The following VPS13A variants were observed in gnomAD, a reference collection of about 807,000 sequenced individuals.
The protein encoded by VPS13A is vacuolar protein sorting 13 homolog A.
A neutral mutation model predicts 390.9 loss-of-function variants in VPS13A; 264 were observed. The observed-to-expected ratio is 0.68, with a 90% CI of 0.61 to 0.75. The LOEUF (loss-of-function observed/expected upper bound fraction) is 0.75. Among genes scored for constraint, VPS13A ranks in the 30% least tolerant of loss-of-function variants. The probability of loss-of-function intolerance (pLI) is 0.00; values close to 1 mark genes in which losing one functional copy is unlikely to be tolerated. For synonymous variants in VPS13A, 1,231 were observed against 1,227.1 expected, an observed-to-expected ratio of 1.00 and a Z score of -0.07; for missense variants, 3,409 against 3,733.9, an observed-to-expected ratio of 0.91 and a Z score of 2.27.
At chr9:77,207,177 G>C (rs539930055) in intron 5 of VPS13A, among the ~76,000 whole-genome samples, 41 of 102,716 alleles carry the variant, frequency 4.0e-4, no homozygotes, top group Non-Finnish European at 7.3e-4. Flanking sequence ...TACTAAATAT[G>C]GTGCTCAAAC....
chr9:77,327,077 C>G (rs972227806), intron 45 of VPS13A, among the ~76,000 whole-genome samples: 3 of 152,200 alleles, frequency 2.0e-5, no homozygotes, highest in African/African-American at 4.8e-5. Flanking sequence ...GAAACTCACT[C>G]TCCAGACAGC....
chr9:77,364,374 G>A (rs1032897660), intron 59 of VPS13A, among the ~76,000 whole-genome samples: 3 of 152,062 alleles, frequency 2.0e-5, no homozygotes, highest in African/African-American at 7.2e-5. Context: ...GCAGTGAGCC[G>A]AGATCGCGCC....
At chr9:77,238,214 A>G (rs1824267505) in intron 18 of VPS13A, 23 bp downstream of exon 18, 1 of 1,607,850 alleles carries the variant, frequency 6.2e-7, no homozygotes, top group East Asian at 2.2e-5. Flanking sequence ...TTAAATTACT[A>G]AGTTTTAATA....
At position 77,407,622 on chromosome 9, in the gene VPS13A, TC is replaced by T; in HGVS notation, c.9474+16del. ...AGGATGCCAGGGTAAATATAATAAA[TC>T]TTTTATTTAAATAGGAGCTGCTCAC... On this transcript the variant is annotated intron_variant, in intron 71 of 71. Coordinates refer to ENST00000360280, the MANE Select transcript of VPS13A (RefSeq NM_033305.3). 1 of 1,584,888 alleles carries T rather than the reference TC, an allele frequency of 6.3e-7. No individual in the cohort carries two copies. Among genetic ancestry groups the T allele is most frequent in the Non-Finnish European group, 8.7e-7 (1 of 1,154,622 alleles).
intron 68 of VPS13A, among the ~76,000 whole-genome samples, chr9:77,392,775 CTA>C (rs921308516): frequency 1.1e-4 from 16 of 146,822 alleles, no homozygotes; most frequent in Admixed American, 3.4e-4. Context: ...CTATATAAAA[CTA>C]TATATATACA....
intron 71 of VPS13A, among the ~76,000 whole-genome samples, chr9:77,410,736 A>G (rs1834880293): frequency 6.6e-6 from 1 of 152,174 alleles, no homozygotes; most frequent in Admixed American, 6.5e-5. Flanking sequence ...TTCAACAAGA[A>G]GAGCTAACTA....
At chr9:77,250,045 C>A (rs1437797875) in intron 20 of VPS13A, 52 bp from the exon 21 acceptor site, 2 of 1,594,168 alleles carry the variant, frequency 1.3e-6, no homozygotes, top group African/African-American at 2.7e-5. Flanking sequence ...ACACTTTATA[C>A]TTACATTTTG....
Position 77,397,818 on chromosome 9 carries a change from G to A in VPS13A, c.9190-5418G>A, listed in dbSNP as rs143002740. The stretch of plus-strand genomic sequence containing the variant: ...ATTCTGACAATTGTATATAATGAAT[G>A]CAGTTTCCATTGTGTTTCTGTTTCT... On this transcript the variant is annotated intron_variant, in intron 68 of 71. Coordinates refer to ENST00000360280, the MANE Select transcript of VPS13A (RefSeq NM_033305.3). 2.1e-3 allele frequency among the ~76,000 whole-genome samples: 315 copies of A among 152,232 alleles called. 2 individuals carry two copies. The highest frequency in any genetic ancestry group is 7.2e-3 in the African/African-American group (299 of 41,558).
At chr9:77,291,809 G>C (rs1329718907) in intron 31 of VPS13A, among the ~76,000 whole-genome samples, 1 of 152,158 alleles carries the variant, frequency 6.6e-6, no homozygotes, top group Non-Finnish European at 1.5e-5. Flanking sequence ...GGCTGTTTCT[G>C]TGAGTCTCAG....
intron 17 of VPS13A, among the ~76,000 whole-genome samples, chr9:77,230,055 A>G (rs1477246290): frequency 6.6e-6 from 1 of 151,900 alleles, no homozygotes; most frequent in African/African-American, 2.4e-5. Flanking sequence ...CTTATTGGCC[A>G]TTTCACGTGC....
chr9:77,207,488 A>G lies in VPS13A; in HGVS notation c.385+1409A>G, dbSNP rs1430718242. 3.3e-5 allele frequency among the ~76,000 whole-genome samples: 5 copies of G among 150,936 alleles called. No homozygotes were observed. The East Asian group carries it at 9.8e-4, about 29-fold the overall frequency. Reference sequence around the variant, plus strand: ...ATATAGTTCTGTCACATTTTTGGTTAAATCAGAATTCATTGTTAATAGTAT... The same window carrying G: ...ATATAGTTCTGTCACATTTTTGGTTGAATCAGAATTCATTGTTAATAGTAT... On this transcript the variant is annotated intron_variant, in intron 5 of 71. Coordinates refer to ENST00000360280, the MANE Select transcript of VPS13A (RefSeq NM_033305.3).
At chr9:77,407,111 TG>T (rs1157367928) in intron 70 of VPS13A, among the ~76,000 whole-genome samples, 1 of 152,220 alleles carries the variant, frequency 6.6e-6, no homozygotes. Flanking sequence ...AATATATGTA[TG>T]TGTTTATGTA....
intron 68 of VPS13A, among the ~76,000 whole-genome samples, chr9:77,396,215 T>A: frequency 6.6e-6 from 1 of 152,214 alleles, no homozygotes; most frequent in East Asian, 1.9e-4. Context: ...TCTCCAGGCT[T>A]TTGGTTGTAC....
rs541687038 is a variant in VPS13A, at chr9:77,413,086, A to C, written c.9475-2870A>C. Among the ~76,000 whole-genome samples, 15 of 152,338 alleles carry C rather than the reference A, an allele frequency of 9.8e-5. No homozygotes were observed. The East Asian group carries it at 1.2e-3, about 12-fold the overall frequency. On this transcript the variant is annotated intron_variant, in intron 71 of 71. Coordinates refer to ENST00000360280, the MANE Select transcript of VPS13A (RefSeq NM_033305.3). ...GAGAACTACAAACCACTGCTCAGTG[A>C]AATAAAAGAGGATACAAACAAATGG...
intron 36 of VPS13A, 29 bp from the exon 37 acceptor site, chr9:77,314,466 T>G (rs575740470): frequency 1.2e-6 from 2 of 1,602,736 alleles, no homozygotes; most frequent in Non-Finnish European, 1.7e-6. Context: ...TGTTTCTTTG[T>G]AATTTTGTGT....
At chr9:77,219,081 G>A (rs1823031156) in intron 10 of VPS13A, among the ~76,000 whole-genome samples, 1 of 152,036 alleles carries the variant, frequency 6.6e-6, no homozygotes, top group Admixed American at 6.6e-5. Flanking sequence ...AGAGGTGAAG[G>A]GCAGAGAAAG....
chr9:77,387,396 T>C (rs962237085), intron 68 of VPS13A, among the ~76,000 whole-genome samples: 1 of 152,228 alleles, frequency 6.6e-6, no homozygotes, highest in African/African-American at 2.4e-5. Flanking sequence ...CCATATGCTT[T>C]AACTTCATTT....
chr9:77,294,731 T>G (rs1827875716), intron 32 of VPS13A, among the ~76,000 whole-genome samples: 1 of 152,066 alleles, frequency 6.6e-6, no homozygotes, highest in South Asian at 2.1e-4. Context: ...TAGAGTTGGG[T>G]TCTTGCTCTG....
chr9:77,231,957 C>T (rs1389315787), intron 17 of VPS13A, among the ~76,000 whole-genome samples: 4 of 152,166 alleles, frequency 2.6e-5, no homozygotes, highest in Non-Finnish European at 1.5e-5. Context: ...CAGCTCATTT[C>T]ATTTGCATGT....
Sources: allele counts gnomAD v4.1 joint callset (sites outside exome capture counted in the v4.1 genomes callset), GRCh38; gene constraint gnomAD v4.1.1; transcripts MANE v1.5; gene names NCBI Gene and HGNC (gene_info 2026-07-23, HGNC 2026-07-21).